The following IFTAP variants were observed in gnomAD, a reference collection of about 807,000 sequenced individuals.
IFTAP encodes the protein intraflagellar transport associated protein, also known as intraflagellar transport-associated protein.
A neutral mutation model predicts 19.4 loss-of-function variants in IFTAP; 19 were observed. The observed-to-expected ratio is 0.98, with a 90% CI of 0.68 to 1.44. IFTAP has a LOEUF of 1.44. Among genes scored for constraint, IFTAP ranks in the 40% most tolerant of loss-of-function variants. The probability of loss-of-function intolerance (pLI) is 0.00; values close to 1 mark genes in which losing one functional copy is unlikely to be tolerated. For synonymous variants in IFTAP, 85 were observed against 83.5 expected, an observed-to-expected ratio of 1.02 and a Z score of -0.10; for missense variants, 240 against 253.6, an observed-to-expected ratio of 0.95 and a Z score of 0.36.
chr11:36,643,651 T>C (rs1853332557), intron 4 of IFTAP, among the ~76,000 whole-genome samples: 1 of 152,102 alleles, frequency 6.6e-6, no homozygotes, highest in Admixed American at 6.6e-5. Flanking sequence ...AAAACAGAGA[T>C]ATAGACCAAT....
chr11:36,600,680 C>A (rs1407620585), intron 1 of IFTAP, among the ~76,000 whole-genome samples: 2 of 152,236 alleles, frequency 1.3e-5, no homozygotes, highest in African/African-American at 4.8e-5. Flanking sequence ...GCCTTACATT[C>A]TTCCCACATT....
intron 1 of IFTAP, among the ~76,000 whole-genome samples, chr11:36,608,673 G>A (rs1851776129): frequency 6.6e-6 from 1 of 152,164 alleles, no homozygotes. Flanking sequence ...AATGTGGAAT[G>A]GCCACTACCA....
chr11:36,598,349 C>T (rs1343095053), intron 1 of IFTAP: 1 of 151,914 alleles, frequency 6.6e-6, no homozygotes, highest in African/African-American at 2.4e-5. Flanking sequence ...ACAGGGTGTA[C>T]CCTCAGGATT....
chr11:36,601,555 A>C (rs1851509537), intron 1 of IFTAP, among the ~76,000 whole-genome samples: 1 of 152,240 alleles, frequency 6.6e-6, no homozygotes, highest in Non-Finnish European at 1.5e-5. Flanking sequence ...GAGTTTTGCT[A>C]GAAAAATGTT....
At chr11:36,657,924 A>G (rs1854067436) in intron 5 of IFTAP, among the ~76,000 whole-genome samples, 2 of 152,214 alleles carry the variant, frequency 1.3e-5, no homozygotes, top group Admixed American at 6.5e-5. Flanking sequence ...TTTTACTAAC[A>G]AAAGATGATA....
At chr11:36,655,749 A>G (rs1488100466) in intron 5 of IFTAP, among the ~76,000 whole-genome samples, 2 of 152,156 alleles carry the variant, frequency 1.3e-5, no homozygotes, top group Non-Finnish European at 2.9e-5. Context: ...TGCCTAGAAA[A>G]TCTAATAGCT....
At chr11:36,656,534 C>T (rs915249114) in intron 5 of IFTAP, among the ~76,000 whole-genome samples, 4 of 151,934 alleles carry the variant, frequency 2.6e-5, no homozygotes, top group African/African-American at 9.7e-5. Flanking sequence ...CATGCCACTG[C>T]ACTCCTGCCT....
chr11:36,653,934 T>G (rs1479548922), intron 5 of IFTAP, among the ~76,000 whole-genome samples: 1 of 152,072 alleles, frequency 6.6e-6, no homozygotes, highest in Non-Finnish European at 1.5e-5. Context: ...GTGGTTGGGG[T>G]CATTCTGTCT....
chr11:36,623,576 G>A (rs1244659746), intron 2 of IFTAP, among the ~76,000 whole-genome samples: 2 of 152,134 alleles, frequency 1.3e-5, no homozygotes, highest in Non-Finnish European at 2.9e-5. Flanking sequence ...CACATGTTCT[G>A]TCCCAAGTCT....
At chr11:36,603,929 A>G (rs571489850) in intron 1 of IFTAP, among the ~76,000 whole-genome samples, 15 of 152,220 alleles carry the variant, frequency 9.9e-5, no homozygotes, top group African/African-American at 3.6e-4. Flanking sequence ...TCTCAAAAAA[A>G]AAAAAAAAGT....
intron 5 of IFTAP, among the ~76,000 whole-genome samples, chr11:36,650,544 C>CTT (rs11378736): frequency 5.5e-4 from 78 of 141,122 alleles, no homozygotes; most frequent in East Asian, 3.7e-3. Context: ...ACCACTGGTT[C>CTT]TTTTTTTTTT....
At position 36,627,468 on chromosome 11, in the gene IFTAP, G is replaced by A. The variant is rs1852558134; in HGVS notation, c.137-5816G>A. Among the ~76,000 whole-genome samples the A allele has an allele frequency of 1.3e-5, 2 of 151,268 alleles. 1 individual carries two copies. Among genetic ancestry groups the A allele is most frequent in the African/African-American group, 4.9e-5 (2 of 40,548 alleles). The stretch of plus-strand genomic sequence containing the variant: ...ATCCTGGGTTTGGCTCAAGAACTAG[G>A]AGGATCCTGCTTGTCTGTAAATATT... On this transcript the variant is annotated intron_variant, in intron 2 of 5. Transcript: ENST00000334307.
rs148769048 is a variant in IFTAP, at chr11:36,645,381, A to G, written c.359-2635A>G. On this transcript the variant is annotated intron_variant, in intron 4 of 5. Transcript: ENST00000334307. ...GTCTTGCCGTCCAACCTCAAGATTC[A>G]TTTTTGAAAGTGGCCCTGATTCTAT... 8.1e-3 allele frequency among the ~76,000 whole-genome samples: 1,232 copies of G among 152,242 alleles called. 12 individuals carry two copies. Among genetic ancestry groups the G allele is most frequent in the African/African-American group, 0.028 (1,166 of 41,560 alleles).
At position 36,616,813 on chromosome 11, in the gene IFTAP, G is replaced by C. The variant is rs374129037; in HGVS notation, c.136+6574G>C. Reference sequence around the variant, plus strand: ...CTATTGAGTATTGGAAACATGGCCAGTGCTACCCAGGAACAGAGTTTTAAA... The same window carrying C: ...CTATTGAGTATTGGAAACATGGCCACTGCTACCCAGGAACAGAGTTTTAAA... On this transcript the variant is annotated intron_variant, in intron 2 of 5. Transcript: ENST00000334307. 1.4e-4 allele frequency among the ~76,000 whole-genome samples: 22 copies of C among 152,016 alleles called. No individual in the cohort carries two copies. In the East Asian group the frequency reaches 2.9e-3, roughly 20 times the overall value.
Position 36,610,120 on chromosome 11 carries a change from C to G in IFTAP, c.17C>G (p.Ser6Ter), listed in dbSNP as rs749630393. Residue 6 changes from serine to a stop codon, truncating the protein, a stop_gained, in exon 2 of 6, where the codon TCA (serine) becomes TGA (stop). Coordinates refer to ENST00000334307, the MANE Select transcript of IFTAP (RefSeq NM_138787.4). LOFTEE classifies it high-confidence loss of function. MSAHM[S>*]GLEIMDEDQL... is the part of the protein sequence containing the mutation. ...TGAATAGGAATGTCTGCCCATATGT[C>G]AGGATTGGAAATAATGGATGAAGAT... 6 of 1,612,916 alleles carry G rather than the reference C, an allele frequency of 3.7e-6. No homozygotes were observed. The South Asian group carries it at 6.6e-5, about 18-fold the overall frequency.
At chr11:36,600,226 C>T (rs1479317562) in intron 1 of IFTAP, among the ~76,000 whole-genome samples, 1 of 152,172 alleles carries the variant, frequency 6.6e-6, no homozygotes, top group Non-Finnish European at 1.5e-5. Context: ...ATGTACAAAG[C>T]CATGTGGAGA....
chr11:36,634,033 T>A (rs1183071305), intron 3 of IFTAP, among the ~76,000 whole-genome samples: 2 of 152,146 alleles, frequency 1.3e-5, no homozygotes, highest in Non-Finnish European at 2.9e-5. Flanking sequence ...GACAGAATTG[T>A]ATATTGTGTT....
chr11:36,616,507 G>T (rs182804955), intron 2 of IFTAP, among the ~76,000 whole-genome samples: 68 of 151,986 alleles, frequency 4.5e-4, no homozygotes, highest in African/African-American at 1.6e-3. Context: ...AGGACAAATG[G>T]CTATGCCTGT....
intron 2 of IFTAP, among the ~76,000 whole-genome samples, chr11:36,624,264 A>G (rs540554696): frequency 1.4e-4 from 22 of 152,240 alleles, no homozygotes; most frequent in African/African-American, 5.1e-4. Context: ...TACTCTTTCT[A>G]TAGCAGTAGA....
Sources: gnomAD v4.1 joint callset for allele counts (sites outside exome capture counted in the v4.1 genomes callset) on GRCh38, gnomAD v4.1.1 for gene constraint, MANE v1.5 for transcripts, NCBI Gene and HGNC (gene_info 2026-07-23, HGNC 2026-07-21) for gene names.